The following ALK variants were observed in gnomAD, a reference collection of about 807,000 sequenced individuals.
The protein encoded by ALK is ALK tyrosine kinase receptor.
A neutral mutation model predicts 163.1 loss-of-function variants in ALK; 74 were observed. That is an observed-to-expected ratio of 0.45 (90% CI 0.38 to 0.55). ALK has a LOEUF of 0.55. ALK is among the 20% of genes least tolerant of loss of function. The pLI is 0.00. For synonymous variants in ALK, 960 were observed against 843.2 expected, an observed-to-expected ratio of 1.14 and a Z score of -2.40; for missense variants, 2,063 against 2,105.3, an observed-to-expected ratio of 0.98 and a Z score of 0.39.
At chr2:29,585,335 T>G (rs1674850821) in intron 3 of ALK, among the ~76,000 whole-genome samples, 1 of 141,728 alleles carries the variant, frequency 7.1e-6, no homozygotes. Context: ...CTATTATTAC[T>G]ATTTTTTTGA....
chr2:29,337,139 G>C (rs1381016490), intron 5 of ALK, among the ~76,000 whole-genome samples: 1 of 152,182 alleles, frequency 6.6e-6, no homozygotes, highest in Non-Finnish European at 1.5e-5. Context: ...CGTTAATGGG[G>C]GTATTAGAAG....
intron 4 of ALK, among the ~76,000 whole-genome samples, chr2:29,509,721 G>A (rs1188215215): frequency 2.6e-5 from 4 of 152,100 alleles, no homozygotes; most frequent in South Asian, 4.1e-4. Context: ...ATTTCTAATG[G>A]AATGCCTTTT....
chr2:29,562,017 G>C (rs1160717009), intron 3 of ALK, among the ~76,000 whole-genome samples: 1 of 152,192 alleles, frequency 6.6e-6, no homozygotes, highest in East Asian at 1.9e-4. Context: ...TTAATAGAGA[G>C]AGGAGGATGG....
intron 4 of ALK, among the ~76,000 whole-genome samples, chr2:29,502,848 G>C (rs1672222263): frequency 6.6e-6 from 1 of 152,188 alleles, no homozygotes; most frequent in Admixed American, 6.5e-5. Flanking sequence ...ATTGGTGAGG[G>C]AATCATTCAG....
intron 1 of ALK, among the ~76,000 whole-genome samples, chr2:29,798,619 A>G (rs1435289428): frequency 6.6e-6 from 1 of 152,252 alleles, no homozygotes; most frequent in Non-Finnish European, 1.5e-5. Context: ...GAGAGGTATG[A>G]CAGTCTTTGG....
chr2:29,332,241 G>A (rs968219320), intron 5 of ALK, among the ~76,000 whole-genome samples: 1 of 118,916 alleles, frequency 8.4e-6, no homozygotes, highest in South Asian at 3.0e-4. Context: ...AGCCAAGACC[G>A]CACCATTGTA....
intron 1 of ALK, among the ~76,000 whole-genome samples, chr2:29,890,141 C>A (rs1341955627): frequency 6.6e-6 from 1 of 152,160 alleles, no homozygotes; most frequent in Non-Finnish European, 1.5e-5. Context: ...GCCCTCTGCC[C>A]CTTAGCACTT....
intron 1 of ALK, among the ~76,000 whole-genome samples, chr2:29,823,421 G>C (rs1007546889): frequency 1.3e-5 from 2 of 152,218 alleles, no homozygotes; most frequent in African/African-American, 4.8e-5. Context: ...GGCTGGAACA[G>C]TTTGGGGGGC....
rs1673135418 is a variant in ALK at position 29,532,057 on chromosome 2, T to C, written c.1012A>G (p.Met338Val). 6.2e-7 allele frequency: 1 copy of C among 1,613,890 alleles called. No individual in the cohort carries two copies. The highest frequency in any genetic ancestry group is 1.3e-5 in the African/African-American group (1 of 74,876). ...GTGCAGTGCTCACTGCTGCTCCTCA[T>C]CCACGGACTCAGGATGGTGTGCTTG... is the stretch of plus-strand genomic sequence containing the variant. ...DSKHTILSPW[M>V]RSSSEHCTLA... Residue 338 changes from methionine to valine, a missense_variant, in exon 4 of 29, where the codon ATG (methionine) becomes GTG (valine). Met to Val is a conservative substitution (Grantham distance 21). Around this residue, in one of 5 missense-constraint regions of ALK, gnomAD observed 987 missense variants for 939.5 expected, o/e 1.05. Transcript: ENST00000389048.
chr2:29,383,948 G>A, intron 4 of ALK, 89 bp from the exon 5 acceptor site: 2 of 1,540,400 alleles, frequency 1.3e-6, no homozygotes, highest in Non-Finnish European at 1.8e-6. Context: ...TGTCCTTGCA[G>A]GGACTTCAGG....
intron 27 of ALK, among the ~76,000 whole-genome samples, chr2:29,197,107 A>C (rs1669042194): frequency 6.6e-6 from 1 of 152,208 alleles, no homozygotes; most frequent in African/African-American, 2.4e-5. Context: ...AGTTAAAGCC[A>C]CTTTGGGGAC....
At chr2:29,390,274 C>T (rs577331759) in intron 4 of ALK, among the ~76,000 whole-genome samples, 12 of 152,226 alleles carry the variant, frequency 7.9e-5, no homozygotes, top group African/African-American at 2.2e-4. Context: ...CCAAGTCATT[C>T]GGATGGTGAC....
chr2:29,706,035 C>G (rs1678902383), intron 2 of ALK, among the ~76,000 whole-genome samples: 1 of 152,212 alleles, frequency 6.6e-6, no homozygotes, highest in Admixed American at 6.5e-5. Flanking sequence ...TTTGGAAGAC[C>G]TCCAGCGAGA....
intron 1 of ALK, among the ~76,000 whole-genome samples, chr2:29,754,986 C>A (rs1361551161): frequency 6.6e-6 from 1 of 152,158 alleles, no homozygotes; most frequent in Non-Finnish European, 1.5e-5. Context: ...TTCTGGAAGA[C>A]CCCCACCCCA....
intron 4 of ALK, among the ~76,000 whole-genome samples, chr2:29,488,323 T>C (rs1671826010): frequency 6.6e-6 from 1 of 152,218 alleles, no homozygotes. Context: ...CAGTGTTTCA[T>C]CACACTGTTG....
intron 1 of ALK, among the ~76,000 whole-genome samples, chr2:29,778,820 C>T (rs573225885): frequency 3.9e-4 from 60 of 152,214 alleles, no homozygotes; most frequent in African/African-American, 1.4e-3. Context: ...ACCCCCCGTG[C>T]GTCCTGCCAC....
chr2:29,822,259 C>T lies in ALK; in HGVS notation c.667+97734G>A, dbSNP rs1015281980. Among the ~76,000 whole-genome samples the T allele has an allele frequency of 4.6e-5, 7 of 152,186 alleles. No individual in the cohort carries two copies. In the South Asian group the frequency reaches 8.3e-4, roughly 18 times the overall value. ...GAGATCTGAAATCAAAAGGCCTTGG[C>T]TCCCAACCTGGTTGTTCTTAGACCA... On this transcript the variant is annotated intron_variant, in intron 1 of 28. Coordinates refer to ENST00000389048, the MANE Select transcript of ALK (RefSeq NM_004304.5).
At chr2:29,572,550 C>G (rs911316056) in intron 3 of ALK, among the ~76,000 whole-genome samples, 4 of 152,172 alleles carry the variant, frequency 2.6e-5, no homozygotes, top group Non-Finnish European at 5.9e-5. Context: ...AAAATCCATC[C>G]CCTTTGTGGC....
intron 4 of ALK, among the ~76,000 whole-genome samples, chr2:29,521,589 G>A (rs778908273): frequency 5.3e-5 from 8 of 152,274 alleles, no homozygotes; most frequent in South Asian, 2.1e-4. Flanking sequence ...TATGTGTGTC[G>A]TTCCCTAAAT....
Sources: allele counts gnomAD v4.1 joint callset (sites outside exome capture counted in the v4.1 genomes callset), GRCh38; gene constraint gnomAD v4.1.1; regional missense constraint gnomAD v4.1.1; transcripts MANE v1.5; gene names NCBI Gene and HGNC (gene_info 2026-07-23, HGNC 2026-07-21).